The following ALG12 variants were observed in gnomAD, a reference collection of about 807,000 sequenced individuals.
ALG12 encodes the protein ALG12 alpha-1,6-mannosyltransferase.
Under a neutral mutation model 46.0 loss-of-function variants are expected in ALG12, and 36 were observed. That is an observed-to-expected ratio of 0.78 (90% confidence interval 0.60 to 1.03). The LOEUF (loss-of-function observed/expected upper bound fraction) is 1.03, where lower values mean the gene tolerates loss of function less well. Ranked by LOEUF, ALG12 falls within the 50% of genes least tolerant of loss-of-function variation. ALG12 has a pLI of 0.00. For synonymous variants in ALG12, 326 were observed against 291.6 expected, an observed-to-expected ratio of 1.12 and a Z score of -1.20; for missense variants, 599 against 633.5, an observed-to-expected ratio of 0.95 and a Z score of 0.58.
the ALG12 span, among the ~76,000 whole-genome samples, chr22:49,879,150 AAAAC>A: frequency 7.7e-3 from 1,166 of 150,762 alleles, 13 homozygotes; most frequent in South Asian, 0.063. Flanking sequence ...TCTCAAAAAA[AAAAC>A]AAAAAACAAA....
the ALG12 span, among the ~76,000 whole-genome samples, chr22:49,868,625 C>T: frequency 6.6e-6 from 1 of 151,824 alleles, no homozygotes; most frequent in Non-Finnish European, 1.5e-5. Flanking sequence ...CTCTTGGACA[C>T]GATGTGATTA....
chr22:49,861,820 C>T, the ALG12 span, among the ~76,000 whole-genome samples: 303 of 152,298 alleles, frequency 2.0e-3, 3 homozygotes, highest in African/African-American at 6.9e-3. Flanking sequence ...CGTGGGATGC[C>T]GCTGTGACTG....
chr22:49,890,266 C>T, the ALG12 span, among the ~76,000 whole-genome samples: 4 of 152,102 alleles, frequency 2.6e-5, no homozygotes, highest in Non-Finnish European at 4.4e-5. Context: ...GTGATCACAC[C>T]ACTGCACTCT....
chr22:49,912,917 A>AT (rs568064935), intron 3 of ALG12, among the ~76,000 whole-genome samples: 132 of 148,854 alleles, frequency 8.9e-4, no homozygotes, highest in Non-Finnish European at 1.5e-3. Context: ...AAACGTTCTA[A>AT]TTTTTTTTTT....
Position 49,902,551 on chromosome 22 carries a change from GTA to G in ALG12, c.*1285_*1286del, listed in dbSNP as rs1390328650. 1.5e-5 allele frequency: 2 copies of G among 136,576 alleles called. No individual in the cohort carries two copies. Among genetic ancestry groups the G allele is most frequent in the African/African-American group, 6.0e-5 (2 of 33,096 alleles). 8.5% of individuals were successfully genotyped at this position (136,576 alleles called of 1,614,324 possible). ...GGTAATGTGCACGCGTGCACTGTGT[GTA>G]TGCATGGTAATGTGCACGTGTGCAC... On this transcript the variant is annotated 3_prime_UTR_variant, in exon 10 of 10. Coordinates refer to ENST00000330817, the MANE Select transcript of ALG12 (RefSeq NM_024105.4).
chr22:49,873,627 A>G, the ALG12 span, among the ~76,000 whole-genome samples: 1 of 136,928 alleles, frequency 7.3e-6, no homozygotes. Context: ...GATTGCCACA[A>G]ACCTCCAATT....
downstream of ALG12, among the ~76,000 whole-genome samples, chr22:49,898,890 C>G (rs2060493621): frequency 6.6e-6 from 1 of 152,054 alleles, no homozygotes; most frequent in South Asian, 2.1e-4. Context: ...GTAGCTGGAA[C>G]TACAGGCGTG....
chr22:49,883,047 G>C, the ALG12 span, among the ~76,000 whole-genome samples: 89,035 of 152,158 alleles, frequency 0.59, 32,021 homozygotes, highest in Non-Finnish European at 0.79. Context: ...ATAAATTCTA[G>C]ATGAGGCAAC....
chr22:49,870,663 AATGGG>A, the ALG12 span, among the ~76,000 whole-genome samples: 1 of 151,410 alleles, frequency 6.6e-6, no homozygotes, highest in African/African-American at 2.4e-5. Flanking sequence ...CTTGCTTTTT[AATGGG>A]GTTATTTTAT....
chr22:49,877,886 G>A, the ALG12 span, among the ~76,000 whole-genome samples: 1 of 152,128 alleles, frequency 6.6e-6, no homozygotes, highest in Non-Finnish European at 1.5e-5. Flanking sequence ...AGATTCATCC[G>A]TGTTGCGTGT....
chr22:49,904,666 G>A (rs1202822090), intron 7 of ALG12, 160 bp from the exon 8 acceptor site: 1 of 783,280 alleles, frequency 1.3e-6, no homozygotes, highest in South Asian at 1.5e-5. Flanking sequence ...CGTAAAAGTG[G>A]TTAAGATACT....
chr22:49,885,678 A>G, the ALG12 span: 6 of 1,612,440 alleles, frequency 3.7e-6, no homozygotes, highest in African/African-American at 8.0e-5. Context: ...ACCTCCAGCC[A>G]TATTCTTTTG....
the ALG12 span, among the ~76,000 whole-genome samples, chr22:49,861,489 A>G: frequency 1.1e-4 from 17 of 151,714 alleles, no homozygotes; most frequent in African/African-American, 3.9e-4. Flanking sequence ...GCTGGAGTGC[A>G]GTGGCCTGAT....
the ALG12 span, chr22:49,884,720 C>T: frequency 4.4e-6 from 7 of 1,594,580 alleles, no homozygotes; most frequent in Non-Finnish European, 6.0e-6. Flanking sequence ...CCACTGTACT[C>T]CACCCCTCCC....
At chr22:49,917,007 T>C (rs1219523420) in intron 1 of ALG12, among the ~76,000 whole-genome samples, 2 of 152,318 alleles carry the variant, frequency 1.3e-5, no homozygotes, top group East Asian at 3.9e-4. Flanking sequence ...CCCAACAAGG[T>C]GTGCCTTCTG....
At chr22:49,885,969 G>C in the ALG12 span, 7 of 710,698 alleles carry the variant, frequency 9.8e-6, no homozygotes, top group Non-Finnish European at 1.5e-5. Context: ...GCTCGGCGCT[G>C]TTGGACGTGT....
the ALG12 span, among the ~76,000 whole-genome samples, chr22:49,865,307 C>G: frequency 6.6e-6 from 1 of 152,100 alleles, no homozygotes; most frequent in Non-Finnish European, 1.5e-5. Flanking sequence ...GTGCGCTGCT[C>G]TTTGCCGAGT....
chr22:49,907,840 C>T lies in ALG12; in HGVS notation c.873G>A (p.Pro291=), dbSNP rs200080075. The T allele has an allele frequency of 2.5e-5, 41 of 1,614,006 alleles. No individual in the cohort carries two copies. Among genetic ancestry groups the T allele is most frequent in the South Asian group, 2.5e-4 (23 of 91,082 alleles). Residue 291 remains proline (P), a synonymous_variant, in exon 7 of 10, where the codon CCG becomes CCA. Transcript: ENST00000330817. Reference sequence around the variant, plus strand: ...CCATGAAGCCCAGTGCCAGCACCGTCGGCGCGTGCGTCCTTCTGTCTACCA... The same window carrying T: ...CCATGAAGCCCAGTGCCAGCACCGTTGGCGCGTGCGTCCTTCTGTCTACCA... ...LGLVDRRTHA[P]TVLALGFMAL...
chr22:49,892,264 C>T, the ALG12 span, among the ~76,000 whole-genome samples: 1 of 149,914 alleles, frequency 6.7e-6, no homozygotes, highest in East Asian at 2.0e-4. Flanking sequence ...GAAACAAAAT[C>T]CTAGTAAGAT....
Sources: allele counts gnomAD v4.1 joint callset (sites outside exome capture counted in the v4.1 genomes callset), GRCh38; gene constraint gnomAD v4.1.1; transcripts MANE v1.5; gene names NCBI Gene and HGNC (gene_info 2026-07-23, HGNC 2026-07-21).